FAM107B: variants seen among roughly 807,000 people sequenced by gnomAD.
FAM107B encodes protein FAM107B.
Under a neutral mutation model 31.5 loss-of-function variants are expected in FAM107B, and 21 were observed. The ratio of observed to expected loss-of-function variants is 0.67; its 90% CI spans 0.47 to 0.96. The LOEUF (loss-of-function observed/expected upper bound fraction) is 0.96. Among genes scored for constraint, FAM107B ranks in the 40% least tolerant of loss-of-function variants. The pLI, the probability that FAM107B is intolerant of heterozygous loss-of-function variation, is 0.00. For synonymous variants in FAM107B, 157 were observed against 141.5 expected (o/e 1.11, Z -0.78); for missense variants, 452 against 377.1 (o/e 1.20, Z -1.64).
chr10:14,668,972 T>G (rs1854475034), intron 1 of FAM107B, among the ~76,000 whole-genome samples: 1 of 152,198 alleles, frequency 6.6e-6, no homozygotes, highest in African/African-American at 2.4e-5. Context: ...GTATTATTCA[T>G]TATAGGAATA....
At chr10:14,588,920 G>A (rs1006520837) in intron 2 of FAM107B, among the ~76,000 whole-genome samples, 1 of 151,946 alleles carries the variant, frequency 6.6e-6, no homozygotes, top group Non-Finnish European at 1.5e-5. Context: ...AGTGACTCAC[G>A]CCTGTAATCC....
chr10:14,677,572 G>C (rs1323197966), intron 1 of FAM107B, among the ~76,000 whole-genome samples: 2 of 152,202 alleles, frequency 1.3e-5, no homozygotes, highest in Admixed American at 6.5e-5. Flanking sequence ...AGTGAGCAGA[G>C]ATGGCGCCAC....
At chr10:14,581,157 T>G (rs1314090246) in intron 2 of FAM107B, among the ~76,000 whole-genome samples, 1 of 152,222 alleles carries the variant, frequency 6.6e-6, no homozygotes, top group Non-Finnish European at 1.5e-5. Flanking sequence ...TCTGGTGCAG[T>G]GCTCGGAAGA....
At position 14,719,045 on chromosome 10, in the gene FAM107B, G is replaced by A. The variant is rs550218400; in HGVS notation, c.412-51354C>T. On this transcript the variant is annotated intron_variant, in intron 1 of 4. Transcript: ENST00000181796. ...AGACTAGAGTTCAGGCCTTCTCCACGTCTAGGGCTGCTCCTATTATCAGCC... is the reference window on the plus strand; with the variant it reads ...AGACTAGAGTTCAGGCCTTCTCCACATCTAGGGCTGCTCCTATTATCAGCC... Among the ~76,000 whole-genome samples the A allele has an allele frequency of 5.3e-5, 8 of 152,306 alleles. No individual in the cohort carries two copies. In the East Asian group the frequency reaches 7.7e-4, roughly 15 times the overall value.
At chr10:14,629,727 A>T (rs1853303900) in intron 2 of FAM107B, among the ~76,000 whole-genome samples, 1 of 150,360 alleles carries the variant, frequency 6.7e-6, no homozygotes, top group Non-Finnish European at 1.5e-5. Flanking sequence ...GTTAGCCAGG[A>T]TGGTCTTGAT....
chr10:14,676,285 C>A (rs1468434518), intron 1 of FAM107B, among the ~76,000 whole-genome samples: 1 of 152,148 alleles, frequency 6.6e-6, no homozygotes, highest in Non-Finnish European at 1.5e-5. Flanking sequence ...CCACCATATT[C>A]CAGTACCAAG....
At chr10:14,757,424 A>G (rs1178005644) in intron 1 of FAM107B, among the ~76,000 whole-genome samples, 2 of 151,266 alleles carry the variant, frequency 1.3e-5, no homozygotes, top group Non-Finnish European at 2.9e-5. Context: ...GCATGGATCA[A>G]CTCCTTAAAA....
At chr10:14,542,827 CA>C (rs1461700583) in intron 2 of FAM107B, 1 of 152,172 alleles carries the variant, frequency 6.6e-6, no homozygotes, top group African/African-American at 2.4e-5. Context: ...TGCTGTGTAT[CA>C]ACAGTGAGTC....
intron 2 of FAM107B, among the ~76,000 whole-genome samples, chr10:14,590,210 G>T (rs1265063636): frequency 6.6e-6 from 1 of 152,198 alleles, no homozygotes; most frequent in Admixed American, 6.5e-5. Flanking sequence ...AGACCTCTCT[G>T]ACAACAGAAG....
intron 2 of FAM107B, among the ~76,000 whole-genome samples, chr10:14,588,777 C>T (rs915189036): frequency 6.6e-6 from 1 of 152,050 alleles, no homozygotes; most frequent in African/African-American, 2.4e-5. Flanking sequence ...TCAGAGCTCC[C>T]CAGGATGTTA....
intron 2 of FAM107B, among the ~76,000 whole-genome samples, chr10:14,558,191 A>G (rs1849869354): frequency 7.4e-6 from 1 of 135,692 alleles, no homozygotes; most frequent in Non-Finnish European, 1.7e-5. Context: ...GTGTGTGTGC[A>G]CACACTCACG....
chr10:14,733,624 G>A (rs1385059028), intron 1 of FAM107B, among the ~76,000 whole-genome samples: 4 of 152,122 alleles, frequency 2.6e-5, no homozygotes, highest in Non-Finnish European at 5.9e-5. Context: ...ATAATGATAA[G>A]GTAAACTGTG....
intron 1 of FAM107B, among the ~76,000 whole-genome samples, chr10:14,703,494 C>T (rs1855452026): frequency 6.6e-6 from 1 of 151,938 alleles, no homozygotes. Context: ...CGTCATCACC[C>T]CTGCTAATTT....
At chr10:14,712,231 T>C (rs187211282) in intron 1 of FAM107B, among the ~76,000 whole-genome samples, 318 of 152,326 alleles carry the variant, frequency 2.1e-3, no homozygotes, top group Middle Eastern at 3.4e-3. Flanking sequence ...AAATATCTTA[T>C]GTATCTCATA....
chr10:14,630,088 C>T (rs1458090427), intron 2 of FAM107B, among the ~76,000 whole-genome samples: 2 of 152,002 alleles, frequency 1.3e-5, no homozygotes, highest in Non-Finnish European at 2.9e-5. Flanking sequence ...GTAGGAGTTT[C>T]CTTCACTGAA....
intron 1 of FAM107B, among the ~76,000 whole-genome samples, chr10:14,771,481 G>A (rs964515925): frequency 2.0e-5 from 3 of 152,150 alleles, no homozygotes; most frequent in African/African-American, 4.8e-5. Context: ...GACAGGAATT[G>A]TAATGTTCTC....
At chr10:14,537,313 T>C (rs1269277908) in intron 2 of FAM107B, among the ~76,000 whole-genome samples, 1 of 152,224 alleles carries the variant, frequency 6.6e-6, no homozygotes, top group Non-Finnish European at 1.5e-5. Flanking sequence ...ATATGTAAGC[T>C]TCCCCTGTCA....
chr10:14,582,626 C>A (rs1003874998), intron 2 of FAM107B, among the ~76,000 whole-genome samples: 2 of 151,822 alleles, frequency 1.3e-5, no homozygotes, highest in African/African-American at 4.8e-5. Context: ...ATCTGCCCCC[C>A]TCGGCCTCCC....
chr10:14,521,431 C>A, intron 4 of FAM107B, 125 bp from the exon 5 acceptor site: 1 of 777,018 alleles, frequency 1.3e-6, no homozygotes, highest in Non-Finnish European at 2.1e-6. Context: ...CCTGGTCCCC[C>A]ACTTTTAAAG....
Sources: allele counts gnomAD v4.1 joint callset (sites outside exome capture counted in the v4.1 genomes callset), GRCh38; gene constraint gnomAD v4.1.1; transcripts MANE v1.5; gene names NCBI Gene and HGNC (gene_info 2026-07-23, HGNC 2026-07-21).